Variants in NKD1 observed in about 807,000 individuals in gnomAD.
The protein encoded by NKD1 is protein naked cuticle homolog 1.
Under a neutral mutation model 56.0 loss-of-function variants are expected in NKD1, and 21 were observed. The observed-to-expected ratio is 0.38, with a 90% CI of 0.27 to 0.54. The LOEUF (loss-of-function observed/expected upper bound fraction) is 0.54, where lower values mean the gene tolerates loss of function less well. Among genes scored for constraint, NKD1 ranks in the 20% least tolerant of loss-of-function variants. The pLI is 0.82. For missense variants in NKD1, 578 were observed against 642.7 expected, an observed-to-expected ratio of 0.90 and a Z score of 1.09; for synonymous variants, 263 against 265.7, an observed-to-expected ratio of 0.99 and a Z score of 0.10.
chr16:50,591,761 G>A (rs1961371679), intron 3 of NKD1, among the ~76,000 whole-genome samples: 1 of 152,254 alleles, frequency 6.6e-6, no homozygotes, highest in African/African-American at 2.4e-5. Context: ...GTGGAGCCAG[G>A]AAGGGGCCCT....
In NKD1 at chr16:50,632,683, C is replaced by G. The variant is rs1178536253; in HGVS notation, c.823+275C>G. Among the ~76,000 whole-genome samples, 1 of 152,192 alleles carries G rather than the reference C, an allele frequency of 6.6e-6. No individual in the cohort carries two copies. Among genetic ancestry groups the G allele is most frequent in the Non-Finnish European group, 1.5e-5 (1 of 68,042 alleles). On this transcript the variant is annotated intron_variant, in intron 9 of 9. Coordinates refer to ENST00000268459, the MANE Select transcript of NKD1 (RefSeq NM_033119.5). This position sits in a 1 kb window ranked among gnomAD's most constrained non-coding sequence, Gnocchi z 4.1. ...TGCCCCATCCCAGCCCACCCAAGCCCTGTTCCCGGGGCAACCACTTTGACC... is the reference window on the plus strand; with the variant it reads ...TGCCCCATCCCAGCCCACCCAAGCCGTGTTCCCGGGGCAACCACTTTGACC...
rs1358132076 is a variant in NKD1 at position 50,623,994 on chromosome 16, C to T, written c.367-1491C>T. Among the ~76,000 whole-genome samples the T allele has an allele frequency of 6.6e-6, 1 of 151,994 alleles. No individual in the cohort carries two copies. The highest frequency in any genetic ancestry group is 1.5e-5 in the Non-Finnish European group (1 of 67,992). On this transcript the variant is annotated intron_variant, in intron 5 of 9. Coordinates refer to ENST00000268459, the MANE Select transcript of NKD1 (RefSeq NM_033119.5). The surrounding 1 kb of genome is among the most constrained non-coding windows in gnomAD (Gnocchi z 4.1). Reference sequence around the variant, plus strand: ...TTGGCTTTGAACTCAGCGTGGGCGCCCGAGAATTGCTGGAGGGAAATGGCT... The same window carrying T: ...TTGGCTTTGAACTCAGCGTGGGCGCTCGAGAATTGCTGGAGGGAAATGGCT...
chr16:50,569,744 G>A (rs963987848), intron 3 of NKD1, among the ~76,000 whole-genome samples: 1 of 152,214 alleles, frequency 6.6e-6, no homozygotes, highest in Non-Finnish European at 1.5e-5. Flanking sequence ...CTTGAGGGTA[G>A]AGGCCAGTTC....
intron 3 of NKD1, among the ~76,000 whole-genome samples, chr16:50,579,045 C>G (rs1443984129): frequency 6.6e-6 from 1 of 152,178 alleles, no homozygotes. Flanking sequence ...TATACACGCA[C>G]TCTAACCTGC....
chr16:50,588,340 G>A (rs1012691623), intron 3 of NKD1, among the ~76,000 whole-genome samples: 2 of 152,226 alleles, frequency 1.3e-5, no homozygotes, highest in African/African-American at 4.8e-5. Flanking sequence ...AGCAGGTAAC[G>A]GTAGTTATCA....
intron 3 of NKD1, among the ~76,000 whole-genome samples, chr16:50,595,423 A>G (rs529259397): frequency 6.6e-6 from 1 of 152,308 alleles, no homozygotes; most frequent in African/African-American, 2.4e-5. Flanking sequence ...CTTGCAGGTC[A>G]GAACCTCTGA....
chr16:50,619,741 T>C (rs912795208), intron 4 of NKD1, among the ~76,000 whole-genome samples: 25 of 152,186 alleles, frequency 1.6e-4, no homozygotes, highest in African/African-American at 6.0e-4. Context: ...GGTTGGTAGC[T>C]TCCTCATTTT....
chr16:50,563,411 G>A (rs1220694799), intron 3 of NKD1, among the ~76,000 whole-genome samples: 1 of 150,530 alleles, frequency 6.6e-6, no homozygotes, highest in African/African-American at 2.5e-5. Flanking sequence ...TCCATCCTCA[G>A]TGGGCACAGC....
chr16:50,645,303 G>C lies in NKD1; in HGVS notation c.*11522G>C, dbSNP rs956900962. On this transcript the variant is annotated 3_prime_UTR_variant, in exon 10 of 10. Coordinates refer to ENST00000268459, the MANE Select transcript of NKD1 (RefSeq NM_033119.5). ...TGGGAGGGAATAACAGAGGGGACAT[G>C]ATGGAGATGGGGGACTGCAGAGGGA... is the stretch of plus-strand genomic sequence containing the variant. 3 of 152,194 alleles carry C rather than the reference G, an allele frequency of 2.0e-5. No individual in the cohort carries two copies. The highest frequency in any genetic ancestry group is 4.4e-5 in the Non-Finnish European group (3 of 68,062). 9.4% of individuals were successfully genotyped at this position (152,194 alleles called of 1,614,324 possible). A position where few individuals can be genotyped will look rare whatever the true frequency, so the allele number is the denominator to read the frequency against.
At chr16:50,574,853 G>T (rs1431534387) in intron 3 of NKD1, 6 of 985,450 alleles carry the variant, frequency 6.1e-6, no homozygotes, top group Non-Finnish European at 6.0e-6. Context: ...CTGTTTCTAT[G>T]TGGGGGCCAT....
rs536392670 is a variant in NKD1 at position 50,579,680 on chromosome 16, C to T, written c.193-28614C>T. Among the ~76,000 whole-genome samples, 172 of 146,690 alleles carry T rather than the reference C, an allele frequency of 1.2e-3. 2 individuals are homozygous for T. Among genetic ancestry groups the T allele is most frequent in the East Asian group, 7.1e-3 (34 of 4,794 alleles). On this transcript the variant is annotated intron_variant, in intron 3 of 9. Transcript: ENST00000268459. ...GCTACACACGCACTCTAACCCGCCA[C>T]GCATGCACTGTCTTACTCCTGCGGG...
Position 50,549,415 on chromosome 16 carries a change from G to A in NKD1, c.59-7G>A, listed in dbSNP as rs1368338663. 2 of 1,610,082 alleles carry A rather than the reference G, an allele frequency of 1.2e-6. No individual in the cohort carries two copies. Among genetic ancestry groups the A allele is most frequent in the Admixed American group, 1.7e-5 (1 of 59,772 alleles). ...GACTCAGGGGCTTCATGTCGTCCCC[G>A]TCCCAGGTGACAGCTTCGCCGTGAG... On this transcript the variant is annotated splice_polypyrimidine_tract_variant and splice_region_variant and intron_variant, in intron 2 of 9. Coordinates refer to ENST00000268459, the MANE Select transcript of NKD1 (RefSeq NM_033119.5).
rs8044583 is a variant in NKD1 at position 50,644,095 on chromosome 16, C to T, written c.*10314C>T. 8 of 152,284 alleles carry T rather than the reference C, an allele frequency of 5.3e-5. No individual in the cohort carries two copies. Among genetic ancestry groups the T allele is most frequent in the African/African-American group, 1.9e-4 (8 of 41,478 alleles). The allele number at this position is 152,284 out of a possible 1,614,324, so 9.4% of individuals were successfully genotyped here. On this transcript the variant is annotated 3_prime_UTR_variant, in exon 10 of 10. Transcript: ENST00000268459. ...CAGTTGAGAACATGTTGTCGGGCCA[C>T]TCAGACTTTTCACTGCTCTGCGCAT... is the stretch of plus-strand genomic sequence containing the variant.
At chr16:50,596,515 C>T (rs952356154) in intron 3 of NKD1, among the ~76,000 whole-genome samples, 8 of 152,102 alleles carry the variant, frequency 5.3e-5, no homozygotes, top group Non-Finnish European at 8.8e-5. Flanking sequence ...TCTCTGCAGA[C>T]GTGTGCCTCC....
chr16:50,593,474 A>G (rs116932601), intron 3 of NKD1, among the ~76,000 whole-genome samples: 3,400 of 152,278 alleles, frequency 0.022, 56 homozygotes, highest in Admixed American at 0.037. Flanking sequence ...CAGTAGGGTC[A>G]GGCTCTCAGC....
At position 50,643,783 on chromosome 16, in the gene NKD1, T is replaced by C. The variant is rs1414690711; in HGVS notation, c.*10002T>C. ...GTTTAAAGATGCCTAATTTACTATA[T>C]ATTCTTGATTCGTTAACATTGAACT... On this transcript the variant is annotated 3_prime_UTR_variant, in exon 10 of 10. Coordinates refer to ENST00000268459, the MANE Select transcript of NKD1 (RefSeq NM_033119.5). 1 of 152,250 alleles carries C rather than the reference T, an allele frequency of 6.6e-6. No homozygotes were observed. The highest frequency in any genetic ancestry group is 1.5e-5 in the Non-Finnish European group (1 of 68,046). The allele number at this position is 152,250 out of a possible 1,614,324, so 9.4% of individuals were successfully genotyped here.
At chr16:50,611,221 G>T (rs1003723364) in intron 4 of NKD1, among the ~76,000 whole-genome samples, 5 of 152,060 alleles carry the variant, frequency 3.3e-5, no homozygotes, top group African/African-American at 1.2e-4. Flanking sequence ...GGTCCCCCCT[G>T]CCTCTCACCT....
intron 3 of NKD1, chr16:50,605,957 T>G (rs1961697176): frequency 6.6e-6 from 1 of 152,136 alleles, no homozygotes; most frequent in Non-Finnish European, 1.5e-5. Flanking sequence ...TGTGTTTGGC[T>G]CAACATCCCG....
chr16:50,607,540 T>C (rs1961740391), intron 3 of NKD1: 1 of 155,926 alleles, frequency 6.4e-6, no homozygotes, highest in Non-Finnish European at 1.4e-5. Flanking sequence ...ATAACAGGAG[T>C]ATTTCCTAAA....
Sources: allele counts gnomAD v4.1 joint callset (sites outside exome capture counted in the v4.1 genomes callset), GRCh38; gene constraint gnomAD v4.1.1; non-coding constraint Gnocchi (gnomAD v3.1); transcripts MANE v1.5; gene names NCBI Gene and HGNC (gene_info 2026-07-23, HGNC 2026-07-21).